Variants in RIN2 observed in about 807,000 individuals in gnomAD.
RIN2 encodes Ras and Rab interactor 2.
In RIN2, 36 loss-of-function variants were observed where a neutral mutation model predicts 78.0. The observed-to-expected ratio is 0.46, with a 90% CI of 0.35 to 0.61. The LOEUF (loss-of-function observed/expected upper bound fraction) is 0.61, where lower values mean the gene tolerates loss of function less well. Ranked by LOEUF, RIN2 falls within the 20% of genes least tolerant of loss-of-function variation. The pLI, the probability that RIN2 is intolerant of heterozygous loss-of-function variation, is 0.00. For synonymous variants in RIN2, 466 were observed against 466.8 expected, an observed-to-expected ratio of 1.00 and a Z score of 0.02; for missense variants, 1,087 against 1,159.7, an observed-to-expected ratio of 0.94 and a Z score of 0.91.
In RIN2 at chr20:19,852,981, C is replaced by T. The variant is rs986078969; in HGVS notation, c.-36-36585C>T. On this transcript the variant is annotated intron_variant, in intron 2 of 12. Coordinates refer to ENST00000255006, the MANE Select transcript of RIN2 (RefSeq NM_018993.4). ...CATGTGCCATGTTGGTGTGCTGCAC[C>T]CATTAACTCGTCATTTACATTAGGT... Among the ~76,000 whole-genome samples, 9 of 150,666 alleles carry T rather than the reference C, an allele frequency of 6.0e-5. No individual in the cohort carries two copies. In the South Asian group the frequency reaches 6.4e-4, roughly 11 times the overall value.
At chr20:19,999,197 G>A (rs912275798) in intron 12 of RIN2, among the ~76,000 whole-genome samples, 1 of 152,120 alleles carries the variant, frequency 6.6e-6, no homozygotes, top group Non-Finnish European at 1.5e-5. Flanking sequence ...TCCTAGCTGT[G>A]TGGCTTTGGG....
intron 2 of RIN2, among the ~76,000 whole-genome samples, chr20:19,808,011 A>G (rs1020868190): frequency 3.1e-4 from 47 of 152,238 alleles, no homozygotes; most frequent in African/African-American, 9.2e-4. Context: ...GGCCATCTAA[A>G]GAAGGTCTGC....
At chr20:19,899,314 C>T (rs1292507970) in intron 3 of RIN2, among the ~76,000 whole-genome samples, 1 of 152,166 alleles carries the variant, frequency 6.6e-6, no homozygotes, top group Non-Finnish European at 1.5e-5. Flanking sequence ...TCCCTAAACT[C>T]AGATATGTAC....
intron 5 of RIN2, among the ~76,000 whole-genome samples, chr20:19,957,407 T>G (rs1164775785): frequency 1.3e-5 from 2 of 152,230 alleles, no homozygotes; most frequent in Non-Finnish European, 2.9e-5. Flanking sequence ...CCGGGCACGG[T>G]GGCTCACGCC....
intron 2 of RIN2, among the ~76,000 whole-genome samples, chr20:19,832,263 A>T (rs2123007835): frequency 6.7e-6 from 1 of 148,562 alleles, no homozygotes; most frequent in South Asian, 2.2e-4. Flanking sequence ...TGTGACTCCC[A>T]GATGGCCTTG....
intron 2 of RIN2, 179 bp from the exon 3 acceptor site, chr20:19,889,387 T>G: frequency 8.3e-7 from 1 of 1,205,540 alleles, no homozygotes; most frequent in South Asian, 2.3e-5. Flanking sequence ...GTCTAGGAAC[T>G]GCGCTGGTGG....
At chr20:19,769,227 G>T (rs916388975) in intron 1 of RIN2, among the ~76,000 whole-genome samples, 1 of 152,206 alleles carries the variant, frequency 6.6e-6, no homozygotes, top group African/African-American at 2.4e-5. Flanking sequence ...GAGCCACCGT[G>T]CCGTGCCCGG....
At chr20:19,801,186 C>CT (rs2122712059) in intron 2 of RIN2, among the ~76,000 whole-genome samples, 1 of 152,346 alleles carries the variant, frequency 6.6e-6, no homozygotes, top group South Asian at 2.1e-4. Flanking sequence ...AGGAAGCTGT[C>CT]TACCTTCCCT....
Position 20,002,202 on chromosome 20 carries a change from C to G in RIN2, c.*1266C>G, listed in dbSNP as rs987093540. The G allele has an allele frequency of 3.9e-5, 6 of 152,244 alleles. No individual in the cohort carries two copies. The highest frequency in any genetic ancestry group is 6.5e-5 in the Admixed American group (1 of 15,286). The allele number at this position is 152,244 out of a possible 1,614,324, so 9.4% of individuals were successfully genotyped here. ...TAAATAAAACCAGTTTGCAGGTGCA[C>G]AAACTATGAGGGTCTTGTATCCACG... On this transcript the variant is annotated 3_prime_UTR_variant, in exon 13 of 13. Transcript: ENST00000255006.
rs187807931 is a variant in RIN2, at chr20:19,877,467, G to A, written c.-36-12099G>A. On this transcript the variant is annotated intron_variant, in intron 2 of 12. Coordinates refer to ENST00000255006, the MANE Select transcript of RIN2 (RefSeq NM_018993.4). ...TCTAAGACAGTGGGTCCATAGTGCAGGGTTATAGTGTTGTAGACTCACCCC... is the reference window on the plus strand; with the variant it reads ...TCTAAGACAGTGGGTCCATAGTGCAAGGTTATAGTGTTGTAGACTCACCCC... Among the ~76,000 whole-genome samples the A allele has an allele frequency of 1.1e-3, 170 of 152,300 alleles. 1 individual carries two copies. Among genetic ancestry groups the A allele is most frequent in the South Asian group, 3.7e-3 (18 of 4,824 alleles).
chr20:19,998,196 G>T (rs990235474), intron 12 of RIN2, among the ~76,000 whole-genome samples: 7 of 152,130 alleles, frequency 4.6e-5, no homozygotes, highest in Middle Eastern at 3.4e-3. Flanking sequence ...TGGCCAGGCT[G>T]GACTCAAACT....
chr20:19,916,392 G>T (rs1400821787), intron 3 of RIN2, among the ~76,000 whole-genome samples: 1 of 152,220 alleles, frequency 6.6e-6, no homozygotes, highest in Non-Finnish European at 1.5e-5. Context: ...ACCAAAGCGG[G>T]AGGATTGCCT....
intron 2 of RIN2, among the ~76,000 whole-genome samples, chr20:19,816,392 A>T (rs948523483): frequency 2.7e-5 from 4 of 148,304 alleles, no homozygotes; most frequent in African/African-American, 1.0e-4. Flanking sequence ...TGTCTGTGAT[A>T]ATGAGAACTC....
chr20:19,797,859 CTTTTTT>C (rs750371451), intron 1 of RIN2, among the ~76,000 whole-genome samples: 1 of 128,114 alleles, frequency 7.8e-6, no homozygotes, highest in Non-Finnish European at 1.6e-5. Flanking sequence ...TCTACTTAAT[CTTTTTT>C]TTTTTTTTTT....
chr20:19,969,780 A>G (rs1232267368), intron 7 of RIN2, among the ~76,000 whole-genome samples: 2 of 152,128 alleles, frequency 1.3e-5, no homozygotes, highest in Non-Finnish European at 2.9e-5. Flanking sequence ...ACAAACAAAC[A>G]AACAAACCCT....
intron 1 of RIN2, among the ~76,000 whole-genome samples, chr20:19,767,519 G>C (rs1299756749): frequency 6.6e-6 from 1 of 152,190 alleles, no homozygotes; most frequent in Non-Finnish European, 1.5e-5. Context: ...GGGAGGATGG[G>C]ACTGAGAGAC....
intron 2 of RIN2, among the ~76,000 whole-genome samples, chr20:19,814,301 G>A (rs1045732549): frequency 3.3e-5 from 5 of 152,184 alleles, no homozygotes; most frequent in Non-Finnish European, 7.3e-5. Context: ...CTGGGGCTCA[G>A]CTCCCTGGGG....
intron 1 of RIN2, among the ~76,000 whole-genome samples, chr20:19,765,879 C>T (rs2033863537): frequency 6.6e-6 from 1 of 152,018 alleles, no homozygotes; most frequent in Non-Finnish European, 1.5e-5. Flanking sequence ...GATGGCAAGA[C>T]CCTTTGGAAG....
chr20:19,991,737 G>T (rs977867332), intron 10 of RIN2, among the ~76,000 whole-genome samples: 11 of 152,200 alleles, frequency 7.2e-5, no homozygotes, highest in African/African-American at 1.9e-4. Context: ...CTTATTCCTG[G>T]TTTGAGTTTG....
Sources: gnomAD v4.1 joint callset for allele counts (sites outside exome capture counted in the v4.1 genomes callset) on GRCh38, gnomAD v4.1.1 for gene constraint, MANE v1.5 for transcripts, NCBI Gene and HGNC (gene_info 2026-07-23, HGNC 2026-07-21) for gene names.